Variants in DCN observed in about 807,000 individuals in gnomAD.
DCN encodes the protein decorin.
DCN carries 17 observed loss-of-function variants against 36.5 expected under a neutral mutation model. The observed-to-expected ratio is 0.47, with a 90% CI of 0.32 to 0.70. The LOEUF is 0.70. DCN is among the 30% of genes least tolerant of loss of function. The pLI, the probability that DCN is intolerant of heterozygous loss-of-function variation, is 0.04. For missense variants in DCN, 389 were observed against 430.1 expected, an observed-to-expected ratio of 0.90 and a Z score of 0.84; for synonymous variants, 163 against 161.4, an observed-to-expected ratio of 1.01 and a Z score of -0.07.
chr12:91,172,589 T>TGTA, intron 2 of DCN: 1 of 475,010 alleles, frequency 2.1e-6, no homozygotes, highest in Non-Finnish European at 3.7e-6. Flanking sequence ...AAGGAATTTC[T>TGTA]AAGCTTCCTG....
intron 3 of DCN, among the ~76,000 whole-genome samples, chr12:91,163,339 T>C (rs757678787): frequency 1.3e-5 from 2 of 152,212 alleles, no homozygotes; most frequent in Admixed American, 6.5e-5. Context: ...TTGGCCCTTC[T>C]TCAAGTCCTG....
At chr12:91,163,934 T>G (rs561179703) in intron 3 of DCN, among the ~76,000 whole-genome samples, 32 of 152,058 alleles carry the variant, frequency 2.1e-4, no homozygotes, top group Middle Eastern at 3.4e-3. Flanking sequence ...TACAATTTAA[T>G]TTGAAAGACA....
At chr12:91,157,813 A>G (rs985158896) in intron 4 of DCN, among the ~76,000 whole-genome samples, 4 of 152,044 alleles carry the variant, frequency 2.6e-5, no homozygotes, top group African/African-American at 9.7e-5. Context: ...TATTTTTAGT[A>G]GAGATGGGGT....
At chr12:91,164,530 G>C (rs1042550728) in intron 3 of DCN, 75 bp downstream of exon 3, 2 of 775,106 alleles carry the variant, frequency 2.6e-6, no homozygotes, top group Admixed American at 3.8e-5. Flanking sequence ...TAGTACTCTT[G>C]GCCTTATCTA....
At chr12:91,149,289 C>T (rs893993400) in intron 7 of DCN, among the ~76,000 whole-genome samples, 4 of 152,008 alleles carry the variant, frequency 2.6e-5, no homozygotes, top group African/African-American at 9.7e-5. Context: ...ATTGGTTTAA[C>T]TTATGAAAAT....
At chr12:91,164,869 G>C in intron 2 of DCN, 152 bp from the exon 3 acceptor site, 1 of 629,972 alleles carries the variant, frequency 1.6e-6, no homozygotes. Flanking sequence ...ATTCATTGTA[G>C]GGTAAAATTT....
At chr12:91,172,878 AAAAAT>A (rs1883062076) in intron 2 of DCN, 2 of 622,518 alleles carry the variant, frequency 3.2e-6, no homozygotes, top group Non-Finnish European at 5.7e-6. Context: ...TCTAGTGAAA[AAAAAT>A]AAAATAGATA....
Position 91,157,119 on chromosome 12 carries a change from G to A in DCN, c.608C>T (p.Ser203Phe). 6.2e-7 allele frequency: 1 copy of A among 1,613,474 alleles called. No individual in the cohort carries two copies. The highest frequency in any genetic ancestry group is 1.3e-5 in the African/African-American group (1 of 75,002). ...ATTGGTATCAGCAATGCGGATGTAG[G>A]AGAGCTTCTTCATTCCCTGGAAAGC... is the stretch of plus-strand genomic sequence containing the variant. Reference protein sequence around the residue: ...NGAFQGMKKLSYIRIADTNIT... With the variant: ...NGAFQGMKKLFYIRIADTNIT... The change falls in exon 5 of 8, where the codon TCC becomes TTC. Residue 203 changes from serine (S) to phenylalanine (F), a missense_variant. Coordinates refer to ENST00000052754, the MANE Select transcript of DCN (RefSeq NM_001920.5).
At chr12:91,177,185 T>C (rs1883346094) in intron 2 of DCN, 1 of 173,994 alleles carries the variant, frequency 5.7e-6, no homozygotes, top group Non-Finnish European at 1.2e-5. Flanking sequence ...CATATAACAT[T>C]TGTATTTGGG....
chr12:91,141,066 C>G lies in DCN; in HGVS notation c.*4992G>C, dbSNP rs1880740516. 6.6e-6 allele frequency: 1 copy of G among 152,242 alleles called. No individual in the cohort carries two copies. The highest frequency in any genetic ancestry group is 2.1e-4 in the South Asian group (1 of 4,828). 9.4% of individuals were successfully genotyped at this position (152,242 alleles called of 1,614,324 possible). On this transcript the variant is annotated 3_prime_UTR_variant, in exon 8 of 8. Coordinates refer to ENST00000052754, the MANE Select transcript of DCN (RefSeq NM_001920.5). Reference sequence around the variant, plus strand: ...TGCACTAGCATCCGAAATATTCTCTCTTGGCCTATTCCTGTTACCTTACAG... The same window carrying G: ...TGCACTAGCATCCGAAATATTCTCTGTTGGCCTATTCCTGTTACCTTACAG...
At chr12:91,177,373 G>A (rs1883355634) in intron 2 of DCN, 1 of 557,270 alleles carries the variant, frequency 1.8e-6, no homozygotes, top group East Asian at 2.9e-5. Context: ...GTAAATATAG[G>A]ACTTCTGAAA....
intron 3 of DCN, among the ~76,000 whole-genome samples, chr12:91,162,647 C>T (rs1024839322): frequency 6.6e-6 from 1 of 152,090 alleles, no homozygotes; most frequent in Non-Finnish European, 1.5e-5. Flanking sequence ...ATTCATTATA[C>T]GAAGCTGTGA....
chr12:91,152,280 T>C (rs1259446342), intron 6 of DCN, among the ~76,000 whole-genome samples: 3 of 150,014 alleles, frequency 2.0e-5, no homozygotes, highest in African/African-American at 7.6e-5. Context: ...GTAAAGGAGT[T>C]GATTATACAC....
At chr12:91,178,312 G>A in intron 2 of DCN, 30 bp downstream of exon 2, 3 of 1,571,782 alleles carry the variant, frequency 1.9e-6, no homozygotes, top group African/African-American at 1.4e-5. Flanking sequence ...AACAAGTAAG[G>A]TAGGTAAAGA....
intron 2 of DCN, among the ~76,000 whole-genome samples, chr12:91,170,743 T>C (rs2121288163): frequency 6.6e-6 from 1 of 152,336 alleles, no homozygotes; most frequent in African/African-American, 2.4e-5. Flanking sequence ...TTAGCATTCC[T>C]CAGGCTCCAT....
intron 7 of DCN, among the ~76,000 whole-genome samples, chr12:91,150,444 G>T (rs3138305): frequency 4.3e-4 from 65 of 151,456 alleles, no homozygotes; most frequent in Non-Finnish European, 7.8e-4. Context: ...AAAATTTCTA[G>T]ATGTTAAAGT....
At chr12:91,146,959 T>C (rs1159107259) in intron 7 of DCN, among the ~76,000 whole-genome samples, 1 of 152,220 alleles carries the variant, frequency 6.6e-6, no homozygotes, top group East Asian at 1.9e-4. Context: ...TGATTGAAGT[T>C]GCCCTGATTA....
chr12:91,154,094 T>A (rs1341433983), intron 5 of DCN, among the ~76,000 whole-genome samples: 1 of 152,084 alleles, frequency 6.6e-6, no homozygotes, highest in African/African-American at 2.4e-5. Context: ...TGGCTATTTG[T>A]CTATAAAGAC....
chr12:91,165,063 T>C (rs1453034691), intron 2 of DCN, among the ~76,000 whole-genome samples: 1 of 152,198 alleles, frequency 6.6e-6, no homozygotes, highest in Admixed American at 6.5e-5. Flanking sequence ...TTTTGATAAG[T>C]AGTCAGCACG....
Sources: gnomAD v4.1 joint callset for allele counts (sites outside exome capture counted in the v4.1 genomes callset) on GRCh38, gnomAD v4.1.1 for gene constraint, MANE v1.5 for transcripts, NCBI Gene and HGNC (gene_info 2026-07-23, HGNC 2026-07-21) for gene names.